ACLY: variants seen among roughly 807,000 people sequenced by gnomAD.
ACLY encodes the protein ATP-citrate synthase.
A neutral mutation model predicts 133.0 loss-of-function variants in ACLY; 41 were observed. The ratio of observed to expected loss-of-function variants is 0.31; its 90% CI spans 0.24 to 0.40. The LOEUF is 0.40. Among genes scored for constraint, ACLY ranks in the 10% least tolerant of loss-of-function variants. The pLI is 1.00. For synonymous variants in ACLY, 495 were observed against 549.3 expected (o/e 0.90, Z 1.38); for missense variants, 1,046 against 1,453.8 (o/e 0.72, Z 4.56).
At chr17:41,914,977 G>A (rs1555634281) in intron 1 of ACLY, among the ~76,000 whole-genome samples, 3 of 152,142 alleles carry the variant, frequency 2.0e-5, no homozygotes, top group African/African-American at 4.8e-5. Context: ...TCTCAGAGGC[G>A]TTAGGATAAC....
intron 20 of ACLY, 127 bp downstream of exon 20, chr17:41,882,995 C>T: frequency 1.3e-6 from 1 of 780,242 alleles, no homozygotes; most frequent in Admixed American, 2.6e-5. Flanking sequence ...TTGTAGTAAC[C>T]AAGCAAGTAA....
intron 11 of ACLY, among the ~76,000 whole-genome samples, chr17:41,901,026 C>G (rs1233545545): frequency 6.6e-6 from 1 of 151,894 alleles, no homozygotes; most frequent in African/African-American, 2.4e-5. Flanking sequence ...ATGATCACGG[C>G]TCACTGCAGC....
intron 1 of ACLY, among the ~76,000 whole-genome samples, chr17:41,924,527 C>G (rs2050219488): frequency 6.6e-6 from 1 of 152,116 alleles, no homozygotes; most frequent in African/African-American, 2.4e-5. Context: ...CAGCCCAAGA[C>G]AGGAGCTTCC....
intron 1 of ACLY, among the ~76,000 whole-genome samples, chr17:41,916,762 G>C (rs1003521028): frequency 6.6e-6 from 1 of 152,102 alleles, no homozygotes; most frequent in African/African-American, 2.4e-5. Context: ...AAAAACCCCA[G>C]AAAAAGGTAC....
chr17:41,927,547 T>C (rs1555636118), intron 1 of ACLY, among the ~76,000 whole-genome samples: 1 of 152,086 alleles, frequency 6.6e-6, no homozygotes, highest in Non-Finnish European at 1.5e-5. Context: ...AGGTTTAGAC[T>C]AGGCGCAGTG....
At position 41,867,794 on chromosome 17, in the gene ACLY, AG is replaced by A; in HGVS notation, c.*15del. 2.5e-6 allele frequency: 4 copies of A among 1,594,978 alleles called. No individual in the cohort carries two copies. Among genetic ancestry groups the A allele is most frequent in the Non-Finnish European group, 3.4e-6 (4 of 1,168,252 alleles). On this transcript the variant is annotated 3_prime_UTR_variant, in exon 29 of 29. Coordinates refer to ENST00000352035, the MANE Select transcript of ACLY (RefSeq NM_001096.3). ...GATCTTGTCTTCAGTTTACTGCAGTAGGGTTCCTGGCTCTGTTACATGCTCA... is the reference window on the plus strand; with the variant it reads ...GATCTTGTCTTCAGTTTACTGCAGTAGGTTCCTGGCTCTGTTACATGCTCA...
intron 16 of ACLY, among the ~76,000 whole-genome samples, chr17:41,889,524 CAAAA>C (rs533387140): frequency 3.2e-3 from 100 of 31,570 alleles, no homozygotes; most frequent in African/African-American, 9.3e-3. Context: ...CTCCATTTCA[CAAAA>C]AAAAAAAAAA....
rs1555628101 is a variant in ACLY at position 41,886,167 on chromosome 17, T to TG, written c.2016_2017insC (p.Ile673HisfsTer11). 1 of 1,614,054 alleles carries TG rather than the reference T, an allele frequency of 6.2e-7. No individual in the cohort carries two copies. The highest frequency in any genetic ancestry group is 1.3e-5 in the African/African-American group (1 of 74,918). ...ACGCCATCCGTGGTCCGAGAGATGA[T>TG]ATTGTTGAGCTCGTTGGACATGCCT... On this transcript the variant is annotated frameshift_variant, in exon 18 of 29. Coordinates refer to ENST00000352035, the MANE Select transcript of ACLY (RefSeq NM_001096.3). LOFTEE classifies it high-confidence loss of function.
At chr17:41,883,899 C>A (rs1555627762) in intron 19 of ACLY, among the ~76,000 whole-genome samples, 1 of 151,926 alleles carries the variant, frequency 6.6e-6, no homozygotes, top group East Asian at 1.9e-4. Context: ...AAAAAATGCA[C>A]TTTTTTTACT....
At position 41,872,114 on chromosome 17, in the gene ACLY, A is replaced by G. The variant is rs1555625222; in HGVS notation, c.2711T>C (p.Val904Ala). The G allele has an allele frequency of 1.9e-6, 3 of 1,614,044 alleles. No homozygotes were observed. The African/African-American group carries it at 4.0e-5, about 22-fold the overall frequency. ...AATGATGGTGTTGTGGGCTCCAGAGACGGCTGGCCCGTGATCAGCTGTCAC... is the reference window on the plus strand; with the variant it reads ...AATGATGGTGTTGTGGGCTCCAGAGGCGGCTGGCCCGTGATCAGCTGTCAC... ...LMVTADHGPA[V>A]SGAHNTIICA... is the part of the protein sequence containing the mutation. The change falls in exon 24 of 29, where the codon GTC (valine) becomes GCC (alanine). Residue 904 changes from valine (V) to alanine (A), a missense_variant. Coordinates refer to ENST00000352035, the MANE Select transcript of ACLY (RefSeq NM_001096.3).
chr17:41,921,938 G>C (rs2050188360), upstream of ACLY, among the ~76,000 whole-genome samples: 1 of 152,292 alleles, frequency 6.6e-6, no homozygotes, highest in East Asian at 1.9e-4. Context: ...GCTCGAGCCT[G>C]TAATCCCAGC....
chr17:41,899,770 C>T (rs2049475350), intron 11 of ACLY, among the ~76,000 whole-genome samples: 1 of 151,910 alleles, frequency 6.6e-6, no homozygotes, highest in Non-Finnish European at 1.5e-5. Context: ...AAAAAGAAAA[C>T]AAAAGGCTCA....
intron 22 of ACLY, among the ~76,000 whole-genome samples, chr17:41,876,349 C>A (rs1217552938): frequency 4.7e-5 from 7 of 149,460 alleles, no homozygotes; most frequent in Non-Finnish European, 1.0e-4. Flanking sequence ...GGCGCCTCTG[C>A]CCGGCCGCCC....
At chr17:41,899,927 T>C (rs1175452395) in intron 11 of ACLY, among the ~76,000 whole-genome samples, 1 of 151,296 alleles carries the variant, frequency 6.6e-6, no homozygotes, top group African/African-American at 2.4e-5. Flanking sequence ...AAATTGTGTA[T>C]TTATTGTGGC....
chr17:41,892,486 C>T (rs782658148), intron 15 of ACLY, 39 bp from the exon 16 acceptor site: 8 of 1,585,346 alleles, frequency 5.0e-6, no homozygotes, highest in Admixed American at 3.4e-5. Context: ...TATCCTCAAC[C>T]TGTCAGGACT....
chr17:41,892,124 T>TCC (rs2049230585), intron 16 of ACLY, among the ~76,000 whole-genome samples, 155 bp downstream of exon 16: 1 of 152,054 alleles, frequency 6.6e-6, no homozygotes, highest in African/African-American at 2.4e-5. Flanking sequence ...CACTGGCTAC[T>TCC]CCCAAATCCC....
intron 11 of ACLY, among the ~76,000 whole-genome samples, chr17:41,899,841 C>T (rs181892669): frequency 8.1e-4 from 123 of 151,020 alleles, no homozygotes; most frequent in African/African-American, 2.8e-3. Context: ...TCCAAGAGTT[C>T]GAGACCAGCC....
chr17:41,878,113 G>T lies in ACLY; in HGVS notation c.2477C>A (p.Ser826Tyr). 1 of 1,566,586 alleles carries T rather than the reference G, an allele frequency of 6.4e-7. No individual in the cohort carries two copies. Among genetic ancestry groups the T allele is most frequent in the Non-Finnish European group, 8.6e-7 (1 of 1,157,742 alleles). ...ATTTAAGGCACCTACCCTGGCCCAG[G>T]AGTAGTCCATGGGCACGGTTGGGGG... Reference protein sequence around the residue: ...VPPPTVPMDYSWARELGLIRK... With the variant: ...VPPPTVPMDYYWARELGLIRK... The change falls in exon 22 of 29, where the codon TCC (serine) becomes TAC (tyrosine). Residue 826 changes from serine to tyrosine, a missense_variant. By Grantham distance (144) the Ser-to-Tyr change is moderately radical. Coordinates refer to ENST00000352035, the MANE Select transcript of ACLY (RefSeq NM_001096.3).
chr17:41,906,644 T>C lies in ACLY; in HGVS notation c.750A>G (p.Glu250=). 1.9e-6 allele frequency: 3 copies of C among 1,614,106 alleles called. No individual in the cohort carries two copies. Among genetic ancestry groups the C allele is most frequent in the African/African-American group, 2.7e-5 (2 of 75,054 alleles). ...TGGCATCGAGGTCTGCAATGTAGGC[T>C]TCCTGGGGACCAGACAGCAACAGGT... The part of the protein sequence containing the change: ...PPFGREAYPE[E]AYIADLDAKS... Residue 250 remains glutamate, a splice_region_variant and synonymous_variant, in exon 8 of 29, where the codon GAA becomes GAG. Coordinates refer to ENST00000352035, the MANE Select transcript of ACLY (RefSeq NM_001096.3).
Sources: allele counts gnomAD v4.1 joint callset (sites outside exome capture counted in the v4.1 genomes callset), GRCh38; gene constraint gnomAD v4.1.1; transcripts MANE v1.5; gene names NCBI Gene and HGNC (gene_info 2026-07-23, HGNC 2026-07-21).